C17orf75: variants seen among roughly 807,000 people sequenced by gnomAD.
The protein encoded by C17orf75 is protein Njmu-R1.
C17orf75 carries 32 observed loss-of-function variants against 49.6 expected under a neutral mutation model. The ratio of observed to expected loss-of-function variants is 0.65; its 90% CI spans 0.49 to 0.87. The LOEUF is 0.87. Ranked by LOEUF, C17orf75 falls within the 40% of genes least tolerant of loss-of-function variation. The pLI is 0.00. For synonymous variants in C17orf75, 158 were observed against 159.5 expected (o/e 0.99, Z 0.07); for missense variants, 428 against 473.9 (o/e 0.90, Z 0.90).
chr17:32,334,330 C>T, intron 8 of C17orf75, 139 bp downstream of exon 8: 1 of 1,108,170 alleles, frequency 9.0e-7, no homozygotes, highest in South Asian at 2.0e-5. Flanking sequence ...ATTGTTTTCA[C>T]CAAGTGGTTT....
upstream of C17orf75, chr17:32,343,811 C>T (rs539414709): frequency 3.4e-5 from 23 of 669,430 alleles, no homozygotes; most frequent in East Asian, 3.8e-4. Context: ...CATTTCAGAT[C>T]GGCAGTAGTC....
At chr17:32,340,918 C>G (rs531684408) in intron 2 of C17orf75, 1 of 347,710 alleles carries the variant, frequency 2.9e-6, no homozygotes, top group Non-Finnish European at 5.5e-6. Context: ...GCACTCCAGC[C>G]TGGGCAGCAG....
Position 32,330,751 on chromosome 17 carries a change from T to C in C17orf75, c.*1012A>G, listed in dbSNP as rs1567800909. 1 of 152,184 alleles carries C rather than the reference T, an allele frequency of 6.6e-6. No homozygotes were observed. Among genetic ancestry groups the C allele is most frequent in the East Asian group, 1.9e-4 (1 of 5,198 alleles). The allele number at this position is 152,184 out of a possible 1,614,324, so 9.4% of individuals were successfully genotyped here. ...TCAACACTGTTTTAAAACTCCAGCA[T>C]TTTCACCTAAAAGAAAACACAGGCT... On this transcript the variant is annotated 3_prime_UTR_variant, in exon 10 of 10. Transcript: ENST00000577809.
At chr17:32,349,014 T>C (rs1436688875) in intron 1 of C17orf75, among the ~76,000 whole-genome samples, 1 of 151,916 alleles carries the variant, frequency 6.6e-6, no homozygotes, top group Non-Finnish European at 1.5e-5. Context: ...TACAGGCGCC[T>C]GCCACTACGC....
chr17:32,342,136 G>C lies in C17orf75; in HGVS notation c.4C>G (p.Leu2Val), dbSNP rs771324173. The C allele has an allele frequency of 1.9e-6, 3 of 1,597,480 alleles. No individual in the cohort carries two copies. Among genetic ancestry groups the C allele is most frequent in the Non-Finnish European group, 2.6e-6 (3 of 1,172,954 alleles). The change falls in exon 1 of 10, where the codon CTC becomes GTC. Residue 2 changes from leucine (L) to valine (V), a missense_variant. Coordinates refer to ENST00000577809, the MANE Select transcript of C17orf75 (RefSeq NM_022344.4). ...TCCATCGACTCCTGCAAAGAGGGGAGCATTGCGGCGGCCTCTGAGCGGCCC... is the reference window on the plus strand; with the variant it reads ...TCCATCGACTCCTGCAAAGAGGGGACCATTGCGGCGGCCTCTGAGCGGCCC... M[L>V]PSLQESMDGD...
rs1422881401 is a variant in C17orf75 at position 32,331,080 on chromosome 17, C to T, written c.*683G>A. The T allele has an allele frequency of 6.6e-6, 1 of 152,264 alleles. No homozygotes were observed. The highest frequency in any genetic ancestry group is 6.6e-5 in the Admixed American group (1 of 15,258). 9.4% of individuals were successfully genotyped at this position (152,264 alleles called of 1,614,324 possible). A position where few individuals can be genotyped will look rare whatever the true frequency, so the allele number is the denominator to read the frequency against. ...AGCCAGGATGGTCTCGATCTCCTGA[C>T]CTCATGATCTGCCCGCCTCAGCCTC... is the stretch of plus-strand genomic sequence containing the variant. On this transcript the variant is annotated 3_prime_UTR_variant, in exon 10 of 10. Coordinates refer to ENST00000577809, the MANE Select transcript of C17orf75 (RefSeq NM_022344.4).
At position 32,328,514 on chromosome 17, in the gene C17orf75, GACAA is replaced by G. The variant is rs1027640276; in HGVS notation, c.*3245_*3248del. 6 of 152,170 alleles carry G rather than the reference GACAA, an allele frequency of 3.9e-5. No individual in the cohort carries two copies. The highest frequency in any genetic ancestry group is 7.3e-5 in the Non-Finnish European group (5 of 68,034). The allele number at this position is 152,170 out of a possible 1,614,324, so 9.4% of individuals were successfully genotyped here. A position where few individuals can be genotyped will look rare whatever the true frequency, so the allele number is the denominator to read the frequency against. On this transcript the variant is annotated 3_prime_UTR_variant, in exon 10 of 10. Transcript: ENST00000577809. ...GAAACTGAAGCCATTCTTCATACAT[GACAA>G]ACATACATTTCCTCTGTGTGTACAG...
chr17:32,333,739 G>C (rs889943296), intron 8 of C17orf75, among the ~76,000 whole-genome samples: 2 of 152,030 alleles, frequency 1.3e-5, no homozygotes, highest in Non-Finnish European at 2.9e-5. Flanking sequence ...AAAGTGCTGG[G>C]ATTACATGTG....
intron 9 of C17orf75, 46 bp downstream of exon 9, chr17:32,333,371 C>G: frequency 7.1e-7 from 1 of 1,409,568 alleles, no homozygotes; most frequent in East Asian, 2.3e-5. Flanking sequence ...AATTAAAATT[C>G]AGACAAAAAT....
chr17:32,346,500 C>T (rs1247145922), upstream of C17orf75, among the ~76,000 whole-genome samples: 3 of 152,228 alleles, frequency 2.0e-5, no homozygotes, highest in Non-Finnish European at 2.9e-5. Flanking sequence ...GATTCTCCCA[C>T]CTCAGCCTCC....
chr17:32,338,265 C>T lies in C17orf75; in HGVS notation c.434G>A (p.Arg145His), dbSNP rs374214863. Residue 145 changes from arginine to histidine, a missense_variant, in exon 4 of 10, where the codon CGT becomes CAT. Arg to His is a conservative substitution (Grantham distance 29). Coordinates refer to ENST00000577809, the MANE Select transcript of C17orf75 (RefSeq NM_022344.4). The part of the protein sequence containing the change: ...LPETVTIDSE[R>H]NPSEYVVCFL... ...ACAGACCACATATTCTGAAGGGTTA[C>T]GTTCAGAGTCTATCGTTACTGTTTC... 112 of 1,613,194 alleles carry T rather than the reference C, an allele frequency of 6.9e-5. No individual in the cohort carries two copies. The highest frequency in any genetic ancestry group is 9.1e-5 in the Non-Finnish European group (107 of 1,179,736).
At position 32,339,938 on chromosome 17, in the gene C17orf75, G is replaced by C. The variant is rs759209519; in HGVS notation, c.222C>G (p.Ser74Arg). The C allele has an allele frequency of 1.4e-5, 23 of 1,613,700 alleles. No homozygotes were observed. The highest frequency in any genetic ancestry group is 1.9e-5 in the Non-Finnish European group (22 of 1,179,804). ...NAETPSGDDFSLSLADTNLPS... is the reference protein window; with the variant it reads ...NAETPSGDDFRLSLADTNLPS... ...GTAGATTAGTATCTGCCAAGGAGAGGCTTGACAAATGAAAGACACACATTC... is the reference window on the plus strand; with the variant it reads ...GTAGATTAGTATCTGCCAAGGAGAGCCTTGACAAATGAAAGACACACATTC... The change falls in exon 3 of 10, where the codon AGC becomes AGG. Residue 74 changes from serine (S) to arginine (R), a missense_variant and splice_region_variant. Ser to Arg is a moderately radical substitution (Grantham distance 110, BLOSUM62 -1). Transcript: ENST00000577809.
At chr17:32,341,310 T>G in intron 1 of C17orf75, 26 bp from the exon 2 acceptor site, 1 of 1,612,696 alleles carries the variant, frequency 6.2e-7, no homozygotes, top group African/African-American at 1.3e-5. Context: ...CCAATAGTGC[T>G]ATCAATTATG....
In C17orf75 at chr17:32,334,828, G is replaced by A; in HGVS notation, c.681C>T (p.Tyr227=). ...CTGATTCTTTAACTTCAACAGGAGT[G>A]TAACTCAAAGCCTATGAGAGAAAAA... The part of the protein sequence containing the change: ...LTFLLHAALS[Y]TPVEVKESDE... Residue 227 remains tyrosine, a synonymous_variant, in exon 7 of 10, where the codon TAC becomes TAT. Transcript: ENST00000577809. The A allele has an allele frequency of 6.2e-7, 1 of 1,609,746 alleles. No individual in the cohort carries two copies. The highest frequency in any genetic ancestry group is 1.7e-5 in the Admixed American group (1 of 59,366).
rs561014138 is a variant in C17orf75 at position 32,348,867 on chromosome 17, C to CTTTTT, written c.-7+1070_-7+1074dup. Among the ~76,000 whole-genome samples the CTTTTT allele has an allele frequency of 3.7e-3, 401 of 108,836 alleles. 18 individuals are homozygous for CTTTTT. Among genetic ancestry groups the CTTTTT allele is most frequent in the African/African-American group, 0.014 (366 of 26,510 alleles). The allele number at this position is 108,836 out of a possible 152,430, so 71.4% of individuals were successfully genotyped here. A position where few individuals can be genotyped will look rare whatever the true frequency, so the allele number is the denominator to read the frequency against. ...CAGCACCTTCACTGACAGCTCCAGT[C>CTTTTT]TTTTTTTTTTTTTTTTGAGACGGAG... On this transcript the variant is annotated intron_variant, in intron 1 of 8. Coordinates refer to the C17orf75 transcript ENST00000583774.
intron 9 of C17orf75, 23 bp downstream of exon 9, chr17:32,333,394 T>C: frequency 6.4e-7 from 1 of 1,555,252 alleles, no homozygotes; most frequent in South Asian, 1.2e-5. Flanking sequence ...CATGTGGCAC[T>C]TGGCACACAG....
At position 32,331,715 on chromosome 17, in the gene C17orf75, A is replaced by T; in HGVS notation, c.*48T>A. 6.9e-7 allele frequency: 1 copy of T among 1,456,838 alleles called. No homozygotes were observed. The highest frequency in any genetic ancestry group is 9.6e-7 in the Non-Finnish European group (1 of 1,040,662). 90.2% of individuals were successfully genotyped at this position (1,456,838 alleles called of 1,614,324 possible). A position where few individuals can be genotyped will look rare whatever the true frequency, so the allele number is the denominator to read the frequency against. On this transcript the variant is annotated 3_prime_UTR_variant, in exon 10 of 10. Coordinates refer to ENST00000577809, the MANE Select transcript of C17orf75 (RefSeq NM_022344.4). ...AATTATAACTGCAATTTCAAACACT[A>T]AGACTTAAATATACAACTTGATCAT...
Position 32,331,921 on chromosome 17 carries a change from A to G in C17orf75, c.1033T>C (p.Tyr345His). The G allele has an allele frequency of 6.2e-7, 1 of 1,613,574 alleles. No individual in the cohort carries two copies. Among genetic ancestry groups the G allele is most frequent in the Non-Finnish European group, 8.5e-7 (1 of 1,179,666 alleles). ...AACATGTAACATTTAAACAAAGCATAATGATTCATTTCTGCCTGTCGGATA... is the reference window on the plus strand; with the variant it reads ...AACATGTAACATTTAAACAAAGCATGATGATTCATTTCTGCCTGTCGGATA... Reference protein sequence around the residue: ...RFIRQAEMNHYALFKCYMFLK... With the variant: ...RFIRQAEMNHHALFKCYMFLK... The change falls in exon 10 of 10, where the codon TAT (tyrosine) becomes CAT (histidine). Residue 345 changes from tyrosine to histidine, a missense_variant. Physicochemically the swap from Tyr to His is moderately conservative, Grantham distance 83. Coordinates refer to ENST00000577809, the MANE Select transcript of C17orf75 (RefSeq NM_022344.4).
At chr17:32,342,225 C>A, upstream of C17orf75, 1 of 1,395,398 alleles carries the variant, frequency 7.2e-7, no homozygotes, top group Non-Finnish European at 9.4e-7. Flanking sequence ...TCGTCCGGCT[C>A]CCGGCCCTCG....
Sources: gnomAD v4.1 joint callset for allele counts (sites outside exome capture counted in the v4.1 genomes callset) on GRCh38, gnomAD v4.1.1 for gene constraint, MANE v1.5 for transcripts, NCBI Gene and HGNC (gene_info 2026-07-23, HGNC 2026-07-21) for gene names.